Variants in WAC observed in about 807,000 individuals in gnomAD.
WAC encodes the protein WW domain containing adaptor with coiled-coil.
In WAC, 11 loss-of-function variants were observed where a neutral mutation model predicts 79.6. That is an observed-to-expected ratio of 0.14 (90% CI 0.09 to 0.23). WAC has a LOEUF of 0.23. Among genes scored for constraint, WAC ranks in the 10% least tolerant of loss-of-function variants. The pLI is 1.00. For synonymous variants in WAC, 304 were observed against 276.9 expected (o/e 1.10, Z -0.97); for missense variants, 728 against 773.5 (o/e 0.94, Z 0.70).
intron 7 of WAC, among the ~76,000 whole-genome samples, chr10:28,598,028 A>C (rs1021507552): frequency 6.6e-6 from 1 of 152,166 alleles, no homozygotes; most frequent in Non-Finnish European, 1.5e-5. Flanking sequence ...TTGGCCTCCC[A>C]ACGTGCTGGG....
rs1429502533 is a variant in WAC, at chr10:28,622,864, T to C, written c.*3258T>C. 6.6e-6 allele frequency: 1 copy of C among 152,182 alleles called. No homozygotes were observed. Among genetic ancestry groups the C allele is most frequent in the African/African-American group, 2.4e-5 (1 of 41,446 alleles). 9.4% of individuals were successfully genotyped at this position (152,182 alleles called of 1,614,324 possible). On this transcript the variant is annotated 3_prime_UTR_variant, in exon 14 of 14. Coordinates refer to ENST00000354911, the MANE Select transcript of WAC (RefSeq NM_016628.5). ...TAATTCACTCTGCGCACCGGAACTA[T>C]TGTAGTTCAGGACTTCCAGCTACTG...
In WAC at chr10:28,619,635, G is replaced by T. The variant is rs777083832; in HGVS notation, c.*29G>T. 31 of 1,546,080 alleles carry T rather than the reference G, an allele frequency of 2.0e-5. 1 individual carries two copies. Among genetic ancestry groups the T allele is most frequent in the South Asian group, 6.1e-5 (5 of 82,162 alleles). ...TGTGAATAATTGCACATGGTTTTGAGAACAGGAACTGTAAATCTGTTGCCC... is the reference window on the plus strand; with the variant it reads ...TGTGAATAATTGCACATGGTTTTGATAACAGGAACTGTAAATCTGTTGCCC... On this transcript the variant is annotated 3_prime_UTR_variant, in exon 14 of 14. Coordinates refer to ENST00000354911, the MANE Select transcript of WAC (RefSeq NM_016628.5).
At chr10:28,538,585 A>G (rs1482689643) in intron 3 of WAC, among the ~76,000 whole-genome samples, 2 of 149,682 alleles carry the variant, frequency 1.3e-5, no homozygotes, top group Non-Finnish European at 3.0e-5. Context: ...CTGTCTCAAA[A>G]AAAAAAAAAA....
chr10:28,533,633 T>C lies in WAC; in HGVS notation c.41+13T>C, dbSNP rs1836405645. 3.8e-6 allele frequency: 6 copies of C among 1,598,406 alleles called. No homozygotes were observed. Among genetic ancestry groups the C allele is most frequent in the Non-Finnish European group, 5.1e-6 (6 of 1,173,260 alleles). ...GACTCAGTGATGGGTAAATTGTCTT[T>C]TCGTTTCGGGCCGGGCGGCGGCGGG... On this transcript the variant is annotated intron_variant, in intron 1 of 13. Transcript: ENST00000354911.
chr10:28,558,595 C>T (rs376360045), intron 3 of WAC, among the ~76,000 whole-genome samples: 4 of 152,082 alleles, frequency 2.6e-5, no homozygotes, highest in African/African-American at 9.7e-5. Flanking sequence ...TGTAAGTGAA[C>T]CACCTGTGTT....
At chr10:28,551,191 A>C (rs370198982) in intron 3 of WAC, among the ~76,000 whole-genome samples, 1 of 152,230 alleles carries the variant, frequency 6.6e-6, no homozygotes, top group South Asian at 2.1e-4. Flanking sequence ...AGCTACTTAC[A>C]CATCCGTAAA....
rs188630799 is a variant in WAC, at chr10:28,551,356, G to A, written c.274+15599G>A. On this transcript the variant is annotated intron_variant, in intron 3 of 13. Transcript: ENST00000354911. ...TGTATCAGGGAAAAAAAAGAATGCA[G>A]CTATTACATGGGCATACTTTAGCTC... Among the ~76,000 whole-genome samples the A allele has an allele frequency of 8.5e-5, 13 of 152,264 alleles. No homozygotes were observed. In the East Asian group the frequency reaches 2.3e-3, roughly 27 times the overall value.
chr10:28,535,624 A>G lies in WAC; in HGVS notation c.141A>G (p.Arg47=), dbSNP rs774802587. 3 of 1,614,032 alleles carry G rather than the reference A, an allele frequency of 1.9e-6. No individual in the cohort carries two copies. The highest frequency in any genetic ancestry group is 1.7e-6 in the Non-Finnish European group (2 of 1,180,042). The change falls in exon 3 of 14, where the codon CGA becomes CGG. Residue 47 remains arginine, a synonymous_variant. Transcript: ENST00000354911. ...SSGDHRHEKM[R]DAGDPSPPNK... ...GTGATCACAGACATGAAAAGATGCG[A>G]GACGCCGGAGATCCTTCACCACCAA...
At chr10:28,542,621 G>A (rs1837118885) in intron 3 of WAC, among the ~76,000 whole-genome samples, 1 of 152,162 alleles carries the variant, frequency 6.6e-6, no homozygotes, top group Non-Finnish European at 1.5e-5. Context: ...GTAAAGTGAT[G>A]GATGGAAGAT....
At position 28,619,981 on chromosome 10, in the gene WAC, T is replaced by TG. The variant is rs571411052; in HGVS notation, c.*382dup. 2.0e-5 allele frequency: 3 copies of TG among 150,410 alleles called. No homozygotes were observed. The highest frequency in any genetic ancestry group is 2.5e-5 in the African/African-American group (1 of 40,260). 9.3% of individuals were successfully genotyped at this position (150,410 alleles called of 1,614,324 possible). On this transcript the variant is annotated 3_prime_UTR_variant, in exon 14 of 14. Transcript: ENST00000354911. ...TTTTTAAAAAAAAAAAAAAAAAAAT[T>TG]GGGGGGGTTAATTTATCATTCAGAA... is the stretch of plus-strand genomic sequence containing the variant.
intron 3 of WAC, among the ~76,000 whole-genome samples, chr10:28,559,428 G>A (rs1384942318): frequency 3.3e-5 from 5 of 152,110 alleles, no homozygotes; most frequent in African/African-American, 1.2e-4. Flanking sequence ...TGGTGGGAAA[G>A]TAATGCAAGA....
At position 28,589,780 on chromosome 10, in the gene WAC, T is replaced by G; in HGVS notation, c.426T>G (p.Ser142=). The G allele has an allele frequency of 6.2e-7, 1 of 1,613,926 alleles. No homozygotes were observed. The highest frequency in any genetic ancestry group is 8.5e-7 in the Non-Finnish European group (1 of 1,179,894). The change falls in exon 5 of 14, where the codon TCT becomes TCG. Residue 142 remains serine, a synonymous_variant. Coordinates refer to ENST00000354911, the MANE Select transcript of WAC (RefSeq NM_016628.5). ...ADDWSEHISS[S]GKKYYYNCRT... is the part of the protein sequence containing the mutation. ...ACTGGTCTGAGCATATTAGCTCTTC[T>G]GGGAAAAAGTACTACTACAATTGTC...
chr10:28,597,270 T>C (rs1840426228), intron 7 of WAC, among the ~76,000 whole-genome samples: 2 of 152,172 alleles, frequency 1.3e-5, no homozygotes. Flanking sequence ...AAGAGAAATA[T>C]TGAGAGATGA....
At chr10:28,542,983 A>T (rs1026981537) in intron 3 of WAC, among the ~76,000 whole-genome samples, 1 of 152,248 alleles carries the variant, frequency 6.6e-6, no homozygotes, top group Non-Finnish European at 1.5e-5. Flanking sequence ...TGTTACCTTG[A>T]ATAGTGCCTG....
chr10:28,533,830 C>T (rs1262307688), intron 1 of WAC, 168 bp from the exon 2 acceptor site: 12 of 1,017,522 alleles, frequency 1.2e-5, no homozygotes, highest in Non-Finnish European at 1.7e-5. Flanking sequence ...TTCGCCCTCT[C>T]CGGCCCTTCC....
chr10:28,614,597 G>C lies in WAC; in HGVS notation c.1468G>C (p.Val490Leu), dbSNP rs762481015. ...VSTPVVKQGP[V>L]SQSATQQPVT... ...TACTCCAGTAGTTAAGCAAGGACCA[G>C]TGTCACAGTCAGCCACACAGCAGCC... The change falls in exon 11 of 14, where the codon GTG becomes CTG. Residue 490 changes from valine to leucine, a missense_variant. Around this residue, in one of 3 missense-constraint regions of WAC, gnomAD observed 648 missense variants for 661.5 expected, o/e 0.98. Transcript: ENST00000354911. The C allele has an allele frequency of 6.2e-7, 1 of 1,614,176 alleles. No individual in the cohort carries two copies.
Position 28,617,637 on chromosome 10 carries a change from CT to C in WAC, c.1747-18del. The C allele has an allele frequency of 6.5e-7, 1 of 1,533,214 alleles. No individual in the cohort carries two copies. The highest frequency in any genetic ancestry group is 1.3e-5 in the South Asian group (1 of 74,464). The allele number at this position is 1,533,214 out of a possible 1,614,324, so 95.0% of individuals were successfully genotyped here. A position where few individuals can be genotyped will look rare whatever the true frequency, so the allele number is the denominator to read the frequency against. On this transcript the variant is annotated intron_variant, in intron 12 of 13. Transcript: ENST00000354911. ...TGTTAATGTTTATATTTTATGTTTT[CT>C]TCATTTCTTTAATTACAGGCATCAA...
intron 4 of WAC, 59 bp downstream of exon 4, chr10:28,583,564 A>AG (rs1266351588): frequency 1.6e-6 from 2 of 1,289,658 alleles, no homozygotes; most frequent in Non-Finnish European, 2.1e-6. Context: ...AAAAAAAAAA[A>AG]AAAATACAAC....
chr10:28,580,494 A>G (rs1185559413), intron 3 of WAC, among the ~76,000 whole-genome samples: 1 of 152,250 alleles, frequency 6.6e-6, no homozygotes, highest in Non-Finnish European at 1.5e-5. Context: ...ATTTAAGCAT[A>G]GAACATACTG....
Sources: allele counts gnomAD v4.1 joint callset (sites outside exome capture counted in the v4.1 genomes callset), GRCh38; gene constraint gnomAD v4.1.1; regional missense constraint gnomAD v4.1.1; transcripts MANE v1.5; gene names NCBI Gene and HGNC (gene_info 2026-07-23, HGNC 2026-07-21).